The following RXFP1 variants were observed in gnomAD, a reference collection of about 807,000 sequenced individuals.
RXFP1 encodes the protein relaxin receptor 1.
Under a neutral mutation model 89.8 loss-of-function variants are expected in RXFP1, and 73 were observed. The ratio of observed to expected loss-of-function variants is 0.81; its 90% CI spans 0.67 to 0.99. RXFP1 has a LOEUF of 0.99. RXFP1 is among the 50% of genes least tolerant of loss of function. The pLI, the probability that RXFP1 is intolerant of heterozygous loss-of-function variation, is 0.00. For synonymous variants in RXFP1, 277 were observed against 305.5 expected (o/e 0.91, Z 0.97); for missense variants, 793 against 895.5 (o/e 0.89, Z 1.46).
intron 1 of RXFP1, among the ~76,000 whole-genome samples, chr4:158,537,712 C>A (rs1285970688): frequency 1.3e-5 from 2 of 152,146 alleles, no homozygotes; most frequent in Admixed American, 6.6e-5. Flanking sequence ...AAATGATGGA[C>A]AACTCCAGAA....
At chr4:158,537,053 ATTAC>A (rs1745445347) in intron 1 of RXFP1, among the ~76,000 whole-genome samples, 1 of 149,798 alleles carries the variant, frequency 6.7e-6, no homozygotes, top group South Asian at 2.3e-4. Flanking sequence ...TGACAACGCA[ATTAC>A]TTTTGCACCA....
intron 3 of RXFP1, among the ~76,000 whole-genome samples, chr4:158,597,294 A>G (rs1056804535): frequency 6.6e-5 from 10 of 152,342 alleles, no homozygotes; most frequent in Admixed American, 5.9e-4. Context: ...GGGCAATATA[A>G]TGGAAAATAT....
At chr4:158,574,820 C>G (rs1387008213) in intron 2 of RXFP1, among the ~76,000 whole-genome samples, 1 of 152,174 alleles carries the variant, frequency 6.6e-6, no homozygotes, top group Non-Finnish European at 1.5e-5. Context: ...TATAACCACA[C>G]TATCTAAACT....
chr4:158,614,845 T>C (rs1446510543), intron 8 of RXFP1, among the ~76,000 whole-genome samples: 2 of 152,230 alleles, frequency 1.3e-5, no homozygotes, highest in Admixed American at 6.5e-5. Context: ...TCAAAATGCC[T>C]TCCTTACTAT....
chr4:158,554,281 T>A (rs1750788854), intron 1 of RXFP1, among the ~76,000 whole-genome samples: 1 of 152,216 alleles, frequency 6.6e-6, no homozygotes, highest in Non-Finnish European at 1.5e-5. Flanking sequence ...CGTCAGAGTT[T>A]TTTTTTATTA....
intron 14 of RXFP1, among the ~76,000 whole-genome samples, chr4:158,642,843 G>A (rs1770647610): frequency 6.6e-6 from 1 of 152,102 alleles, no homozygotes; most frequent in Non-Finnish European, 1.5e-5. Context: ...GTTTAATACG[G>A]GAGAGAAAGA....
intron 1 of RXFP1, among the ~76,000 whole-genome samples, chr4:158,567,282 T>C (rs1753788503): frequency 1.3e-5 from 2 of 152,176 alleles, no homozygotes; most frequent in South Asian, 4.1e-4. Context: ...GGTTGAGAAG[T>C]GTGGGCGCAC....
chr4:158,609,684 G>A (rs1580035804), intron 6 of RXFP1, among the ~76,000 whole-genome samples: 1 of 152,078 alleles, frequency 6.6e-6, no homozygotes, highest in Non-Finnish European at 1.5e-5. Context: ...CAGGAGACTC[G>A]AAGCCTTAAC....
intron 1 of RXFP1, among the ~76,000 whole-genome samples, chr4:158,546,924 T>A (rs1047452329): frequency 6.6e-6 from 1 of 152,106 alleles, no homozygotes; most frequent in African/African-American, 2.4e-5. Context: ...TTTGGTTGTG[T>A]CTCTGCCCGG....
intron 6 of RXFP1, among the ~76,000 whole-genome samples, chr4:158,608,279 CT>C (rs756131500): frequency 0.021 from 1,630 of 75,992 alleles, no homozygotes; most frequent in African/African-American, 0.04. Context: ...GTATTCCTTT[CT>C]TTTTTTTTTT....
intron 9 of RXFP1, among the ~76,000 whole-genome samples, chr4:158,626,246 CTCTG>C (rs998077843): frequency 6.6e-6 from 1 of 152,048 alleles, no homozygotes; most frequent in African/African-American, 2.4e-5. Context: ...GCTGTTTGCT[CTCTG>C]TCTGCGCTGG....
Position 158,599,100 on chromosome 4 carries a change from A to C in RXFP1, c.287-226A>C, listed in dbSNP as rs577531137. The C allele has an allele frequency of 7.3e-6, 4 of 547,942 alleles. No individual in the cohort carries two copies. In the African/African-American group the frequency reaches 7.5e-5, roughly 10 times the overall value. The allele number at this position is 547,942 out of a possible 1,614,324, so 33.9% of individuals were successfully genotyped here. On this transcript the variant is annotated intron_variant, in intron 3 of 17. Coordinates refer to ENST00000307765, the MANE Select transcript of RXFP1 (RefSeq NM_021634.4). ...TCTGCTTTTTTTAAAAAAATACATG[A>C]GCTAGTGTGTGTTTCCAAATGTTGA...
chr4:158,569,946 A>G (rs998013768), intron 1 of RXFP1, among the ~76,000 whole-genome samples: 7 of 152,208 alleles, frequency 4.6e-5, no homozygotes, highest in Admixed American at 1.3e-4. Context: ...TTTTTGAAGT[A>G]TTGATAGTTT....
At position 158,651,748 on chromosome 4, in the gene RXFP1, C is replaced by T. The variant is rs1348496311; in HGVS notation, c.1976-9C>T. ...TAAACACTAAAACTATTTCATTTTT[C>T]TTTTTTAGGTACCATAACCTCTTGG... On this transcript the variant is annotated splice_polypyrimidine_tract_variant and intron_variant, in intron 17 of 17. Coordinates refer to ENST00000307765, the MANE Select transcript of RXFP1 (RefSeq NM_021634.4). 3 of 1,578,356 alleles carry T rather than the reference C, an allele frequency of 1.9e-6. No individual in the cohort carries two copies. Among genetic ancestry groups the T allele is most frequent in the Admixed American group, 1.9e-5 (1 of 53,428 alleles).
intron 5 of RXFP1, among the ~76,000 whole-genome samples, chr4:158,606,766 T>G (rs1004384672): frequency 5.3e-5 from 8 of 151,300 alleles, no homozygotes; most frequent in Non-Finnish European, 7.4e-5. Flanking sequence ...TTTTTTTTTT[T>G]AGAGAGATAG....
At chr4:158,587,604 G>A (rs1290863279) in intron 2 of RXFP1, among the ~76,000 whole-genome samples, 1 of 152,138 alleles carries the variant, frequency 6.6e-6, no homozygotes, top group Non-Finnish European at 1.5e-5. Flanking sequence ...AAATTCTATA[G>A]ATAGAATGTA....
chr4:158,551,729 C>T (rs1299951154), intron 1 of RXFP1, among the ~76,000 whole-genome samples: 1 of 152,064 alleles, frequency 6.6e-6, no homozygotes, highest in Non-Finnish European at 1.5e-5. Context: ...TGCTTGATCC[C>T]AGGAATTCGA....
At chr4:158,528,601 A>T (rs1427210783) in intron 1 of RXFP1, among the ~76,000 whole-genome samples, 1 of 152,198 alleles carries the variant, frequency 6.6e-6, no homozygotes, top group East Asian at 1.9e-4. Context: ...CCTATTCCCC[A>T]GACAATAGAG....
At chr4:158,650,152 T>C (rs1772368401) in intron 17 of RXFP1, among the ~76,000 whole-genome samples, 1 of 152,206 alleles carries the variant, frequency 6.6e-6, no homozygotes, top group Non-Finnish European at 1.5e-5. Context: ...AGGACAAATA[T>C]TTTATTTCAC....
Sources: allele counts gnomAD v4.1 joint callset (sites outside exome capture counted in the v4.1 genomes callset), GRCh38; gene constraint gnomAD v4.1.1; transcripts MANE v1.5; gene names NCBI Gene and HGNC (gene_info 2026-07-23, HGNC 2026-07-21).